R3HDM2: variants seen among roughly 807,000 people sequenced by gnomAD.
R3HDM2 encodes R3H domain containing 2.
Under a neutral mutation model 124.5 loss-of-function variants are expected in R3HDM2, and 38 were observed. The ratio of observed to expected loss-of-function variants is 0.31; its 90% CI spans 0.24 to 0.40. R3HDM2 has a LOEUF of 0.40. Among genes scored for constraint, R3HDM2 ranks in the 10% least tolerant of loss-of-function variants. R3HDM2 has a pLI of 1.00. For missense variants in R3HDM2, 869 were observed against 1,236.9 expected, an observed-to-expected ratio of 0.70 and a Z score of 4.46; for synonymous variants, 391 against 448.0, an observed-to-expected ratio of 0.87 and a Z score of 1.61.
rs117402819 is a variant in R3HDM2 at position 57,281,401 on chromosome 12, C to A, written c.1172-871G>T. ...CAAGGCATGAACTCATTCAACACAA[C>A]ATACTTTACTATGTGCCAAGCACTG... is the stretch of plus-strand genomic sequence containing the variant. On this transcript the variant is annotated intron_variant, in intron 13 of 23. Coordinates refer to ENST00000402412, the MANE Select transcript of R3HDM2 (RefSeq NM_001394031.1). Among the ~76,000 whole-genome samples the A allele has an allele frequency of 6.3e-4, 96 of 152,068 alleles. 1 individual carries two copies. In the East Asian group the frequency reaches 0.012, roughly 20 times the overall value.
chr12:57,259,020 AGCT>A lies in R3HDM2; in HGVS notation c.2168_2170del (p.Gln723del), dbSNP rs1208036067. ...GGGCTGGGGTCCATTAGGGACATTCAGCTGCATGACCACTACACCTGGTCCAGA... is the reference window on the plus strand; with the variant it reads ...GGGCTGGGGTCCATTAGGGACATTCAGCATGACCACTACACCTGGTCCAGA... On this transcript the variant is annotated inframe_deletion, in exon 20 of 24. Transcript: ENST00000402412. 6.2e-7 allele frequency: 1 copy of A among 1,613,398 alleles called. No individual in the cohort carries two copies. The highest frequency in any genetic ancestry group is 1.1e-5 in the South Asian group (1 of 90,996).
intron 1 of R3HDM2, among the ~76,000 whole-genome samples, chr12:57,425,259 C>G (rs370127853): frequency 6.8e-6 from 1 of 147,924 alleles, no homozygotes; most frequent in Non-Finnish European, 1.5e-5. Context: ...GCAACAAGAG[C>G]GAAACTCCGT....
intron 11 of R3HDM2, among the ~76,000 whole-genome samples, chr12:57,290,687 C>T (rs1414529834): frequency 6.6e-6 from 1 of 152,178 alleles, no homozygotes; most frequent in African/African-American, 2.4e-5. Flanking sequence ...GATCTTGGCT[C>T]ACCACAACCT....
chr12:57,261,770 A>AC (rs1052290019), intron 19 of R3HDM2, among the ~76,000 whole-genome samples: 3 of 151,496 alleles, frequency 2.0e-5, no homozygotes, highest in Non-Finnish European at 2.9e-5. Flanking sequence ...AAAAAAAAAA[A>AC]AAAAAAAACC....
Position 57,254,725 on chromosome 12 carries a change from C to G in R3HDM2, c.*48G>C. On this transcript the variant is annotated 3_prime_UTR_variant, in exon 24 of 24. Coordinates refer to ENST00000402412, the MANE Select transcript of R3HDM2 (RefSeq NM_001394031.1). ...GTCTGTCAGGATCCTTCAACCCCCTCCACCCTGCCCTTGCTCCTTCTGTGA... is the reference window on the plus strand; with the variant it reads ...GTCTGTCAGGATCCTTCAACCCCCTGCACCCTGCCCTTGCTCCTTCTGTGA... 7.0e-7 allele frequency: 1 copy of G among 1,432,114 alleles called. No homozygotes were observed. Among genetic ancestry groups the G allele is most frequent in the Non-Finnish European group, 9.5e-7 (1 of 1,052,320 alleles). The allele number at this position is 1,432,114 out of a possible 1,614,324, so 88.7% of individuals were successfully genotyped here.
At chr12:57,426,750 C>T (rs1386188820) in intron 1 of R3HDM2, among the ~76,000 whole-genome samples, 2 of 152,150 alleles carry the variant, frequency 1.3e-5, no homozygotes, top group Non-Finnish European at 2.9e-5. Context: ...CCCCAAAGCA[C>T]GAGATGTTTG....
Position 57,268,458 on chromosome 12 carries a change from C to G in R3HDM2, c.1876-1G>C. 6.2e-7 allele frequency: 1 copy of G among 1,613,750 alleles called. No individual in the cohort carries two copies. Among genetic ancestry groups the G allele is most frequent in the Non-Finnish European group, 8.5e-7 (1 of 1,179,834 alleles). ...TTTGCGAGTCACTACCCACTGGAAC[C>G]TGGGTGAGAAAGAGAAGAGAAAGAA... On this transcript the variant is annotated splice_acceptor_variant, in intron 17 of 23. Transcript: ENST00000402412. LOFTEE classifies it high-confidence loss of function.
At chr12:57,396,860 A>G (rs1035634920) in intron 1 of R3HDM2, among the ~76,000 whole-genome samples, 32 of 152,106 alleles carry the variant, frequency 2.1e-4, no homozygotes, top group African/African-American at 7.5e-4. Flanking sequence ...GGGAGGCCAA[A>G]GCAGGTGGAT....
At chr12:57,402,359 G>A (rs2068117593) in intron 1 of R3HDM2, among the ~76,000 whole-genome samples, 1 of 151,694 alleles carries the variant, frequency 6.6e-6, no homozygotes, top group South Asian at 2.1e-4. Flanking sequence ...ATAAGGAAAT[G>A]TTTTTGGAGA....
rs185470802 is a variant in R3HDM2, at chr12:57,277,653, G to A, written c.1344+2705C>T. On this transcript the variant is annotated intron_variant, in intron 14 of 23. Transcript: ENST00000402412. ...AGTAGAGACGTTGTTTCACCAGGTT[G>A]GCCAGGCTGGTCTCAAACTTCTGGC... is the stretch of plus-strand genomic sequence containing the variant. 8.4e-3 allele frequency among the ~76,000 whole-genome samples: 1,272 copies of A among 152,196 alleles called. 8 individuals carry two copies. Among genetic ancestry groups the A allele is most frequent in the Non-Finnish European group, 0.014 (950 of 68,002 alleles).
chr12:57,413,411 T>C (rs1422012345), intron 1 of R3HDM2, among the ~76,000 whole-genome samples: 2 of 136,944 alleles, frequency 1.5e-5, no homozygotes, highest in Non-Finnish European at 3.1e-5. Context: ...CGGGCCAATA[T>C]AGTGCAACCT....
chr12:57,396,472 T>TA (rs1197621593), intron 1 of R3HDM2, among the ~76,000 whole-genome samples: 1 of 147,852 alleles, frequency 6.8e-6, no homozygotes, highest in Admixed American at 6.8e-5. Context: ...AAATAAAAAA[T>TA]AAAAAAATAA....
chr12:57,362,856 G>A (rs945736660), intron 2 of R3HDM2, among the ~76,000 whole-genome samples: 5 of 151,498 alleles, frequency 3.3e-5, no homozygotes, highest in African/African-American at 7.3e-5. Context: ...AGAGTCTTGC[G>A]CTGTTGCCAG....
chr12:57,354,090 G>A (rs1240766285), intron 2 of R3HDM2, among the ~76,000 whole-genome samples: 1 of 151,874 alleles, frequency 6.6e-6, no homozygotes, highest in Non-Finnish European at 1.5e-5. Context: ...CTGACCTCTT[G>A]AACTCCTGAC....
intron 1 of R3HDM2, among the ~76,000 whole-genome samples, chr12:57,409,958 A>G (rs2068864356): frequency 6.6e-6 from 1 of 152,094 alleles, no homozygotes; most frequent in Non-Finnish European, 1.5e-5. Context: ...GAATATGTAG[A>G]TTTGTTTTTC....
At chr12:57,423,789 A>AG in intron 1 of R3HDM2, among the ~76,000 whole-genome samples, 1 of 132,200 alleles carries the variant, frequency 7.6e-6, no homozygotes, top group Middle Eastern at 4.2e-3. Flanking sequence ...CCTGGGCAAC[A>AG]GAGCAAGACT....
At chr12:57,422,948 C>G (rs1422701488) in intron 1 of R3HDM2, among the ~76,000 whole-genome samples, 1 of 151,880 alleles carries the variant, frequency 6.6e-6, no homozygotes, top group Admixed American at 6.6e-5. Context: ...GCCTGGACAA[C>G]AGAGCAAGAC....
At chr12:57,272,546 C>A in intron 14 of R3HDM2, 1 of 1,325,342 alleles carries the variant, frequency 7.5e-7, no homozygotes. Flanking sequence ...GCTGCAGAGC[C>A]GGGACTGGCT....
intron 14 of R3HDM2, chr12:57,272,460 T>C: frequency 1.3e-6 from 2 of 1,549,870 alleles, no homozygotes; most frequent in Non-Finnish European, 1.7e-6. Flanking sequence ...TACCATGTTG[T>C]ACTGCTGGGG....
Sources: gnomAD v4.1 joint callset for allele counts (sites outside exome capture counted in the v4.1 genomes callset) on GRCh38, gnomAD v4.1.1 for gene constraint, MANE v1.5 for transcripts, NCBI Gene and HGNC (gene_info 2026-07-23, HGNC 2026-07-21) for gene names.